The following ADARB2 variants were observed in gnomAD, a reference collection of about 807,000 sequenced individuals.
The protein encoded by ADARB2 is inactive double-stranded RNA-specific editase B2.
In ADARB2, 25 loss-of-function variants were observed where a neutral mutation model predicts 62.2. The ratio of observed to expected loss-of-function variants is 0.40; its 90% CI spans 0.29 to 0.56. The LOEUF is 0.56. Ranked by LOEUF, ADARB2 falls within the 20% of genes least tolerant of loss-of-function variation. The probability of loss-of-function intolerance (pLI) is 0.43; values close to 1 mark genes in which losing one functional copy is unlikely to be tolerated. For missense variants in ADARB2, 1,071 were observed against 1,077.4 expected (o/e 0.99, Z 0.08); for synonymous variants, 572 against 500.8 (o/e 1.14, Z -1.90).
At chr10:1,381,408 C>A (rs1270952640) in intron 1 of ADARB2, among the ~76,000 whole-genome samples, 3 of 152,234 alleles carry the variant, frequency 2.0e-5, no homozygotes, top group African/African-American at 7.2e-5. Context: ...CAAAGCAAAG[C>A]CAGAAGATAA....
At chr10:1,270,895 G>A in intron 4 of ADARB2, 60 bp downstream of exon 4, 4 of 1,458,008 alleles carry the variant, frequency 2.7e-6, no homozygotes, top group Non-Finnish European at 3.8e-6. Context: ...AGATCAGGTA[G>A]ATGCTAATGC....
At chr10:1,617,626 G>C (rs7897772) in intron 1 of ADARB2, among the ~76,000 whole-genome samples, 104,661 of 142,944 alleles carry the variant, frequency 0.73, 36,812 homozygotes, top group African/African-American at 0.8. Flanking sequence ...GGGAACTGGC[G>C]TCAGAGGGCT....
chr10:1,308,793 A>T (rs1831657012), intron 3 of ADARB2, among the ~76,000 whole-genome samples: 1 of 152,240 alleles, frequency 6.6e-6, no homozygotes, highest in East Asian at 1.9e-4. Flanking sequence ...TCTTTAACAC[A>T]GACTACCTCT....
At chr10:1,313,365 TCC>T (rs1831709344) in intron 3 of ADARB2, among the ~76,000 whole-genome samples, 1 of 151,890 alleles carries the variant, frequency 6.6e-6, no homozygotes, top group African/African-American at 2.4e-5. Flanking sequence ...TGCCAGGGGG[TCC>T]CCACAGTGGA....
chr10:1,533,502 C>T (rs1486760576), intron 1 of ADARB2, among the ~76,000 whole-genome samples: 2 of 151,964 alleles, frequency 1.3e-5, no homozygotes, highest in Non-Finnish European at 2.9e-5. Context: ...GCGAGTCCCC[C>T]TAGGAAACCA....
chr10:1,549,717 T>C (rs1832587325), intron 1 of ADARB2, among the ~76,000 whole-genome samples: 1 of 151,922 alleles, frequency 6.6e-6, no homozygotes, highest in Non-Finnish European at 1.5e-5. Context: ...TCCTCTAGAC[T>C]CCAAAACCGA....
At chr10:1,527,609 T>TTGATATACATAACAGGA (rs935628866) in intron 1 of ADARB2, among the ~76,000 whole-genome samples, 6 of 152,234 alleles carry the variant, frequency 3.9e-5, no homozygotes, top group African/African-American at 1.2e-4. Context: ...GTAAAAAGAC[T>TTGATATACATAACAGGA]TGATATACAT....
chr10:1,483,864 A>C (rs1831508146), intron 1 of ADARB2, among the ~76,000 whole-genome samples: 1 of 152,250 alleles, frequency 6.6e-6, no homozygotes, highest in African/African-American at 2.4e-5. Flanking sequence ...CCAGTTTCAA[A>C]TATGACACGG....
At chr10:1,683,770 T>A (rs1834568391) in intron 1 of ADARB2, among the ~76,000 whole-genome samples, 1 of 152,196 alleles carries the variant, frequency 6.6e-6, no homozygotes, top group Admixed American at 6.5e-5. Context: ...AAATTGTAGC[T>A]TGGAAATGAT....
At chr10:1,290,574 T>C (rs1364193327) in intron 3 of ADARB2, 3 of 152,210 alleles carry the variant, frequency 2.0e-5, no homozygotes, top group East Asian at 3.9e-4. Flanking sequence ...CTGACCACAA[T>C]GTTAGAGGTG....
intron 4 of ADARB2, among the ~76,000 whole-genome samples, chr10:1,263,812 A>G (rs1304436027): frequency 6.6e-6 from 1 of 152,076 alleles, no homozygotes; most frequent in Non-Finnish European, 1.5e-5. Flanking sequence ...GAATTATTCC[A>G]GGCTAAACTA....
At chr10:1,537,026 GC>G (rs1418309602) in intron 1 of ADARB2, among the ~76,000 whole-genome samples, 2 of 152,108 alleles carry the variant, frequency 1.3e-5, no homozygotes, top group African/African-American at 4.8e-5. Flanking sequence ...TGAACAGACA[GC>G]CTACAGAATG....
intron 3 of ADARB2, among the ~76,000 whole-genome samples, chr10:1,295,286 A>T (rs1436687652): frequency 6.6e-6 from 1 of 152,162 alleles, no homozygotes; most frequent in Non-Finnish European, 1.5e-5. Context: ...CCAAGAAATG[A>T]CCTTCAAGGT....
At chr10:1,300,086 C>T (rs1401316445) in intron 3 of ADARB2, among the ~76,000 whole-genome samples, 1 of 152,172 alleles carries the variant, frequency 6.6e-6, no homozygotes, top group Non-Finnish European at 1.5e-5. Flanking sequence ...ATGAGATTTT[C>T]CCACTCTGCC....
chr10:1,225,207 A>G (rs181518752), intron 6 of ADARB2, among the ~76,000 whole-genome samples: 27 of 152,240 alleles, frequency 1.8e-4, no homozygotes, highest in African/African-American at 6.5e-4. Flanking sequence ...CGTTGGTTTA[A>G]AGGCTGTTTT....
At chr10:1,474,140 T>TA (rs1554765866) in intron 1 of ADARB2, among the ~76,000 whole-genome samples, 2 of 152,154 alleles carry the variant, frequency 1.3e-5, no homozygotes, top group African/African-American at 2.4e-5. Flanking sequence ...CAGGCTTGAT[T>TA]CCTGCATGGC....
intron 1 of ADARB2, among the ~76,000 whole-genome samples, chr10:1,602,673 CATAT>C (rs1833432172): frequency 2.4e-5 from 2 of 83,268 alleles, no homozygotes; most frequent in Non-Finnish European, 5.5e-5. Context: ...CATCCACACA[CATAT>C]GCACACACAC....
chr10:1,232,411 T>C (rs866654291), intron 6 of ADARB2, among the ~76,000 whole-genome samples: 11 of 149,222 alleles, frequency 7.4e-5, no homozygotes, highest in African/African-American at 2.2e-4. Context: ...GCTTGTGGCA[T>C]GTGTGTGGTA....
intron 1 of ADARB2, among the ~76,000 whole-genome samples, chr10:1,473,076 G>A (rs912530466): frequency 6.6e-6 from 1 of 152,156 alleles, no homozygotes; most frequent in Non-Finnish European, 1.5e-5. Flanking sequence ...GGGAAGGAAC[G>A]TGGGGCCCTG....
Sources: allele counts gnomAD v4.1 joint callset (sites outside exome capture counted in the v4.1 genomes callset), GRCh38; gene constraint gnomAD v4.1.1; transcripts MANE v1.5; gene names NCBI Gene and HGNC (gene_info 2026-07-23, HGNC 2026-07-21).